The following UFSP2 variants were observed in gnomAD, a reference collection of about 807,000 sequenced individuals.
The protein encoded by UFSP2 is ufm1-specific protease 2.
A neutral mutation model predicts 60.2 loss-of-function variants in UFSP2; 43 were observed. The observed-to-expected ratio is 0.71, with a 90% CI of 0.56 to 0.92. The LOEUF (loss-of-function observed/expected upper bound fraction) is 0.92. Among genes scored for constraint, UFSP2 ranks in the 40% least tolerant of loss-of-function variants. The pLI is 0.00. For synonymous variants in UFSP2, 183 were observed against 195.1 expected (o/e 0.94, Z 0.52); for missense variants, 520 against 575.0 (o/e 0.90, Z 0.98).
chr4:185,402,519 A>G (rs2095514577), intron 11 of UFSP2, among the ~76,000 whole-genome samples: 1 of 152,220 alleles, frequency 6.6e-6, no homozygotes, highest in South Asian at 2.1e-4. Flanking sequence ...CCTGTTGCCC[A>G]GGCTGGGGTG....
At chr4:185,406,694 G>C (rs2095520917) in intron 9 of UFSP2, among the ~76,000 whole-genome samples, 1 of 152,094 alleles carries the variant, frequency 6.6e-6, no homozygotes, top group Non-Finnish European at 1.5e-5. Context: ...TCCTTCCTCA[G>C]CCTCCTGAGT....
intron 9 of UFSP2, 92 bp from the exon 10 acceptor site, chr4:185,405,948 T>C (rs2095519856): frequency 6.3e-7 from 1 of 1,597,340 alleles, no homozygotes; most frequent in East Asian, 2.3e-5. Context: ...TTTCTTGTTT[T>C]TTCGGGTGTT....
intron 11 of UFSP2, chr4:185,402,373 C>T (rs2095514386): frequency 2.2e-6 from 1 of 448,752 alleles, no homozygotes. Context: ...AAAAAAAACA[C>T]TTAAAACTGT....
chr4:185,418,415 G>C (rs1357672566), intron 4 of UFSP2, 26 bp downstream of exon 4: 5 of 1,551,794 alleles, frequency 3.2e-6, no homozygotes, highest in South Asian at 2.3e-5. Flanking sequence ...ATTTTTATCA[G>C]TACAGAAGAC....
chr4:185,409,093 G>GT (rs2095524961), intron 7 of UFSP2, among the ~76,000 whole-genome samples: 1 of 152,004 alleles, frequency 6.6e-6, no homozygotes, highest in Admixed American at 6.6e-5. Context: ...CTGGCACACG[G>GT]TTAATATAAA....
chr4:185,403,837 C>T (rs2095516213), intron 10 of UFSP2, among the ~76,000 whole-genome samples: 2 of 151,520 alleles, frequency 1.3e-5, no homozygotes, highest in Non-Finnish European at 2.9e-5. Flanking sequence ...AATAGCTGGG[C>T]TTGGTGGCAG....
intron 2 of UFSP2, among the ~76,000 whole-genome samples, chr4:185,421,881 T>C (rs2095550037): frequency 2.0e-5 from 3 of 152,214 alleles, no homozygotes; most frequent in Non-Finnish European, 4.4e-5. Flanking sequence ...GACCACACTC[T>C]TCTAAATTTC....
chr4:185,425,712 G>A (rs945979197), intron 1 of UFSP2, among the ~76,000 whole-genome samples, 154 bp downstream of exon 1: 3 of 152,206 alleles, frequency 2.0e-5, no homozygotes, highest in Admixed American at 6.5e-5. Context: ...CGCGGAGACA[G>A]GCGAACTGGA....
intron 2 of UFSP2, 127 bp downstream of exon 2, chr4:185,422,358 T>C: frequency 1.4e-6 from 1 of 721,300 alleles, no homozygotes; most frequent in Non-Finnish European, 2.3e-6. Flanking sequence ...TCCCATTTAA[T>C]GTACTTACTA....
rs549746373 is a variant in UFSP2, at chr4:185,415,696, AT to A, written c.491+13del. ...CTCATTCAAATGTGGCAGTGGTACT[AT>A]AAAAATACTTACTTTCCCCATGTTT... On this transcript the variant is annotated intron_variant, in intron 5 of 11. Transcript: ENST00000264689. The A allele has an allele frequency of 1.1e-4, 178 of 1,602,662 alleles. No individual in the cohort carries two copies. The African/African-American group carries it at 2.0e-3, about 18-fold the overall frequency.
rs536814688 is a variant in UFSP2, at chr4:185,407,609, T to G, written c.1121+327A>C. On this transcript the variant is annotated intron_variant, in intron 9 of 11. Transcript: ENST00000264689. Reference sequence around the variant, plus strand: ...TGCCTTTTAAGACTTTTTAAAAGATTGGAGCATAAAGAAACTGTTAATATA... The same window carrying G: ...TGCCTTTTAAGACTTTTTAAAAGATGGGAGCATAAAGAAACTGTTAATATA... 6.8e-4 allele frequency among the ~76,000 whole-genome samples: 104 copies of G among 152,162 alleles called. 1 individual carries two copies. Among genetic ancestry groups the G allele is most frequent in the Middle Eastern group, 6.8e-3 (2 of 294 alleles).
intron 4 of UFSP2, 132 bp from the exon 5 acceptor site, chr4:185,415,999 A>G: frequency 1.5e-6 from 1 of 656,104 alleles, no homozygotes; most frequent in Non-Finnish European, 2.4e-6. Flanking sequence ...ACAGTAGTGA[A>G]AAGGGGGAAA....
intron 4 of UFSP2, among the ~76,000 whole-genome samples, chr4:185,418,034 A>C (rs1010100200): frequency 2.6e-5 from 4 of 151,644 alleles, no homozygotes; most frequent in African/African-American, 9.7e-5. Flanking sequence ...AAAAGAGTGA[A>C]ACTCCATCTC....
chr4:185,418,295 A>G (rs10000869), intron 4 of UFSP2, 146 bp downstream of exon 4: 427,832 of 585,392 alleles, frequency 0.73, 161,624 homozygotes, highest in East Asian at 0.9. Flanking sequence ...AGACAAACAT[A>G]TAACTTTTGG....
intron 2 of UFSP2, among the ~76,000 whole-genome samples, chr4:185,421,509 C>T (rs2095549298): frequency 6.6e-6 from 1 of 152,096 alleles, no homozygotes; most frequent in Non-Finnish European, 1.5e-5. Context: ...TTTAAAAGAG[C>T]CTGGCACCTC....
At chr4:185,415,105 T>C in intron 6 of UFSP2, 50 bp downstream of exon 6, 1 of 1,417,160 alleles carries the variant, frequency 7.1e-7, no homozygotes, top group Non-Finnish European at 9.5e-7. Flanking sequence ...AAATACAAAA[T>C]GAATGATAGT....
At position 185,415,159 on chromosome 4, in the gene UFSP2, C is replaced by T. The variant is rs760932642; in HGVS notation, c.680G>A (p.Arg227Lys). The change falls in exon 6 of 12, where the codon AGG becomes AAG. Residue 227 changes from arginine (R) to lysine (K), a missense_variant. Physicochemically the swap from Arg to Lys is conservative, Grantham distance 26 (BLOSUM62 2). Transcript: ENST00000264689. Reference sequence around the variant, plus strand: ...GAATAGATGAACTGGTTTTACCTTCCTATAGGCCTGCAGCTGGCCATCTGG... The same window carrying T: ...GAATAGATGAACTGGTTTTACCTTCTTATAGGCCTGCAGCTGGCCATCTGG... ...GIPDGQLQAY[R>K]KELHDLFNLP... The T allele has an allele frequency of 1.9e-6, 3 of 1,590,818 alleles. No homozygotes were observed. The highest frequency in any genetic ancestry group is 3.8e-5 in the Admixed American group (2 of 52,208).
At position 185,422,686 on chromosome 4, in the gene UFSP2, T is replaced by C. The variant is rs2153295586; in HGVS notation, c.4-123A>G. On this transcript the variant is annotated intron_variant, in intron 1 of 11. Transcript: ENST00000264689. ...AACCTTGATTCTTCAAATTATTTCA[T>C]GAGTTAATTCCTTGTTTTATAGAAA... The C allele has an allele frequency of 4.2e-6, 3 of 714,686 alleles. No individual in the cohort carries two copies. In the East Asian group the frequency reaches 9.0e-5, roughly 21 times the overall value. 44.3% of individuals were successfully genotyped at this position (714,686 alleles called of 1,614,324 possible).
Position 185,425,946 on chromosome 4 carries a change from C to T in UFSP2, c.-78G>A. ...GGCCGGCCCTGAAGTGGTGTCACCGCACGGCCCAGGGGCGGGGCCCGGGCG... is the reference window on the plus strand; with the variant it reads ...GGCCGGCCCTGAAGTGGTGTCACCGTACGGCCCAGGGGCGGGGCCCGGGCG... On this transcript the variant is annotated 5_prime_UTR_variant, in exon 1 of 12. Coordinates refer to ENST00000264689, the MANE Select transcript of UFSP2 (RefSeq NM_018359.5). 6.5e-7 allele frequency: 1 copy of T among 1,533,952 alleles called. No homozygotes were observed. The highest frequency in any genetic ancestry group is 2.0e-5 in the Admixed American group (1 of 51,208).
Sources: gnomAD v4.1 joint callset for allele counts (sites outside exome capture counted in the v4.1 genomes callset) on GRCh38, gnomAD v4.1.1 for gene constraint, MANE v1.5 for transcripts, NCBI Gene and HGNC (gene_info 2026-07-23, HGNC 2026-07-21) for gene names.